Variants in FBN1 observed in about 807,000 individuals in gnomAD.
FBN1 encodes fibrillin-1.
A neutral mutation model predicts 365.1 loss-of-function variants in FBN1; 29 were observed. That is an observed-to-expected ratio of 0.08 (90% CI 0.06 to 0.11). The LOEUF is 0.11. Among genes scored for constraint, FBN1 ranks in the 10% least tolerant of loss-of-function variants. The pLI is 1.00. For missense variants in FBN1, 2,476 were observed against 3,703.2 expected, an observed-to-expected ratio of 0.67 and a Z score of 8.60; for synonymous variants, 1,210 against 1,270.5, an observed-to-expected ratio of 0.95 and a Z score of 1.01.
rs781168268 is a variant in FBN1, at chr15:48,460,233, C to T, written c.5296+13G>A. 1.2e-5 allele frequency: 19 copies of T among 1,607,274 alleles called. No individual in the cohort carries two copies. Among genetic ancestry groups the T allele is most frequent in the South Asian group, 6.6e-5 (6 of 90,924 alleles). Reference sequence around the variant, plus strand: ...AAAAACCAGAAAGTTCTGACAATGCCGTCATGACTCACCAACGGGTAAACC... The same window carrying T: ...AAAAACCAGAAAGTTCTGACAATGCTGTCATGACTCACCAACGGGTAAACC... On this transcript the variant is annotated intron_variant, in intron 43 of 65. Coordinates refer to ENST00000316623, the MANE Select transcript of FBN1 (RefSeq NM_000138.5).
intron 7 of FBN1, 126 bp downstream of exon 7, chr15:48,537,485 G>T: frequency 2.7e-6 from 3 of 1,116,908 alleles, no homozygotes; most frequent in Non-Finnish European, 4.0e-6. Context: ...TGGATATCAT[G>T]CAGTCAGCGA....
chr15:48,437,939 C>CCCTTCAGTTGCTTT (rs1186012637), intron 50 of FBN1, 22 bp from the exon 51 acceptor site: 1 of 1,613,146 alleles, frequency 6.2e-7, no homozygotes, highest in East Asian at 2.2e-5. Context: ...ATTTATGACA[C>CCCTTCAGTTGCTTT]CCTTCAGTTG....
At position 48,636,981 on chromosome 15, in the gene FBN1, G is replaced by T. The variant is rs1001426389; in HGVS notation, c.164+7625C>A. Among the ~76,000 whole-genome samples the T allele has an allele frequency of 3.3e-5, 5 of 152,192 alleles. No individual in the cohort carries two copies. The East Asian group carries it at 9.6e-4, about 29-fold the overall frequency. On this transcript the variant is annotated intron_variant, in intron 2 of 65. Coordinates refer to ENST00000316623, the MANE Select transcript of FBN1 (RefSeq NM_000138.5). Reference sequence around the variant, plus strand: ...TAGTAGAGGGCCTAGGCCTGATCTCGTTTCCCTTTATTTTCTCTTTATGGT... The same window carrying T: ...TAGTAGAGGGCCTAGGCCTGATCTCTTTTCCCTTTATTTTCTCTTTATGGT...
Position 48,410,550 on chromosome 15 carries a change from C to T in FBN1, c.*440G>A, listed in dbSNP as rs755147629. The T allele has an allele frequency of 5.7e-6, 1 of 176,646 alleles. No homozygotes were observed. Among genetic ancestry groups the T allele is most frequent in the Non-Finnish European group, 1.2e-5 (1 of 82,838 alleles). The allele number at this position is 176,646 out of a possible 1,614,324, so 10.9% of individuals were successfully genotyped here. On this transcript the variant is annotated 3_prime_UTR_variant, in exon 66 of 66. Transcript: ENST00000316623. The stretch of plus-strand genomic sequence containing the variant: ...TACATATTACAGTGCATTTATAAAT[C>T]TAGTTTGAAAATTTACTAGCACCAA...
At chr15:48,622,185 C>T (rs1012783904) in intron 2 of FBN1, among the ~76,000 whole-genome samples, 1 of 152,114 alleles carries the variant, frequency 6.6e-6, no homozygotes, top group African/African-American at 2.4e-5. Flanking sequence ...TGTCCCAATG[C>T]AATTATAAAT....
At chr15:48,486,319 G>A (rs2141292254) in intron 29 of FBN1, among the ~76,000 whole-genome samples, 1 of 152,292 alleles carries the variant, frequency 6.6e-6, no homozygotes, top group African/African-American at 2.4e-5. Context: ...ACTTTGGGCT[G>A]ATTTATGGTT....
At chr15:48,499,452 T>C (rs937678899) in intron 17 of FBN1, among the ~76,000 whole-genome samples, 3 of 152,204 alleles carry the variant, frequency 2.0e-5, no homozygotes, top group African/African-American at 7.2e-5. Context: ...TTCAGTACAA[T>C]TGGTTCTTAA....
chr15:48,634,428 C>T (rs937375532), intron 2 of FBN1, among the ~76,000 whole-genome samples: 3 of 152,110 alleles, frequency 2.0e-5, no homozygotes, highest in South Asian at 2.1e-4. Context: ...CCAATGCTGC[C>T]GGGAGTGAAG....
intron 4 of FBN1, 131 bp from the exon 5 acceptor site, chr15:48,600,365 A>C: frequency 1.4e-6 from 1 of 721,908 alleles, no homozygotes; most frequent in Non-Finnish European, 2.5e-6. Flanking sequence ...TTTTTACCTG[A>C]TAATGACCTA....
At position 48,431,160 on chromosome 15, in the gene FBN1, C is replaced by T. The variant is rs187560718; in HGVS notation, c.6740-358G>A. On this transcript the variant is annotated intron_variant, in intron 55 of 65. Coordinates refer to ENST00000316623, the MANE Select transcript of FBN1 (RefSeq NM_000138.5). The stretch of plus-strand genomic sequence containing the variant: ...TTGCCCAGGCTGGAGTGCAGTGGCC[C>T]GATCTCAGCTCACTTCAACCTCTGC... 6.6e-4 allele frequency among the ~76,000 whole-genome samples: 100 copies of T among 151,764 alleles called. 2 individuals are homozygous for T. Among genetic ancestry groups the T allele is most frequent in the Admixed American group, 5.6e-3 (85 of 15,246 alleles).
chr15:48,633,724 C>T (rs897135254), intron 2 of FBN1, among the ~76,000 whole-genome samples: 14 of 152,156 alleles, frequency 9.2e-5, no homozygotes, highest in African/African-American at 3.4e-4. Context: ...AAAGAAAACA[C>T]CCATGCCCAC....
chr15:48,519,949 T>C (rs1321393533), intron 10 of FBN1, among the ~76,000 whole-genome samples: 2 of 152,224 alleles, frequency 1.3e-5, no homozygotes, highest in Non-Finnish European at 2.9e-5. Context: ...GCTGTATTTA[T>C]GTATTTGTTT....
chr15:48,524,090 G>A (rs1266098253), intron 9 of FBN1, among the ~76,000 whole-genome samples: 1 of 152,088 alleles, frequency 6.6e-6, no homozygotes, highest in Non-Finnish European at 1.5e-5. Flanking sequence ...CTCAAACTAG[G>A]GAAAGGACAT....
chr15:48,635,673 T>A (rs966595434), intron 2 of FBN1, among the ~76,000 whole-genome samples: 1 of 152,236 alleles, frequency 6.6e-6, no homozygotes, highest in African/African-American at 2.4e-5. Flanking sequence ...ATTTATTTCA[T>A]GTATAATCTT....
rs542515852 is a variant in FBN1 at position 48,483,077 on chromosome 15, A to G, written c.3838+741T>C. 2.6e-5 allele frequency among the ~76,000 whole-genome samples: 4 copies of G among 152,382 alleles called. No individual in the cohort carries two copies. In the South Asian group the frequency reaches 8.3e-4, roughly 32 times the overall value. On this transcript the variant is annotated intron_variant, in intron 31 of 65. Coordinates refer to ENST00000316623, the MANE Select transcript of FBN1 (RefSeq NM_000138.5). ...TAGCACTCAGTAAGGCACAATTTAC[A>G]CTATCTGGTATCCAATCAAAAATTA...
chr15:48,574,447 C>T (rs945146370), intron 6 of FBN1, among the ~76,000 whole-genome samples: 1 of 152,124 alleles, frequency 6.6e-6, no homozygotes, highest in African/African-American at 2.4e-5. Context: ...TCTGCTGCTT[C>T]CAGGTTGTAA....
rs1228100412 is a variant in FBN1, at chr15:48,410,791, G to T, written c.*199C>A. 5.1e-6 allele frequency: 3 copies of T among 588,884 alleles called. No homozygotes were observed. Among genetic ancestry groups the T allele is most frequent in the Non-Finnish European group, 8.9e-6 (3 of 336,704 alleles). The allele number at this position is 588,884 out of a possible 1,614,324, so 36.5% of individuals were successfully genotyped here. On this transcript the variant is annotated 3_prime_UTR_variant, in exon 66 of 66. Transcript: ENST00000316623. ...CAAGGTAGCTTAGCTACACACATGA[G>T]AAGCCTGAGAAAGTGGTTGTTTTGA...
chr15:48,426,827 T>C lies in FBN1; in HGVS notation c.7204+740A>G, dbSNP rs116085535. Reference sequence around the variant, plus strand: ...ACTCCATCTTACCTTTCTAGGTCTGTTTTTTCTTTTTTTTTAAATCACATC... The same window carrying C: ...ACTCCATCTTACCTTTCTAGGTCTGCTTTTTCTTTTTTTTTAAATCACATC... On this transcript the variant is annotated intron_variant, in intron 58 of 65. Coordinates refer to ENST00000316623, the MANE Select transcript of FBN1 (RefSeq NM_000138.5). 4.9e-3 allele frequency among the ~76,000 whole-genome samples: 744 copies of C among 152,236 alleles called. 4 individuals are homozygous for C. The highest frequency in any genetic ancestry group is 0.017 in the African/African-American group (715 of 41,538).
intron 3 of FBN1, 110 bp downstream of exon 3, chr15:48,612,900 C>G: frequency 1.2e-6 from 1 of 838,448 alleles, no homozygotes; most frequent in Non-Finnish European, 2.1e-6. Context: ...GAAGGCTGTA[C>G]TATCAACAGA....
Sources: gnomAD v4.1 joint callset for allele counts (sites outside exome capture counted in the v4.1 genomes callset) on GRCh38, gnomAD v4.1.1 for gene constraint, MANE v1.5 for transcripts, NCBI Gene and HGNC (gene_info 2026-07-23, HGNC 2026-07-21) for gene names.